Variants in ICA1L observed in about 807,000 individuals in gnomAD.
ICA1L encodes islet cell autoantigen 1 like, also known as islet cell autoantigen 1-like protein.
In ICA1L, 50 loss-of-function variants were observed where a neutral mutation model predicts 61.3. That is an observed-to-expected ratio of 0.82 (90% CI 0.65 to 1.03). The LOEUF (loss-of-function observed/expected upper bound fraction) is 1.03. ICA1L is among the 50% of genes least tolerant of loss of function. The pLI is 0.00. For missense variants in ICA1L, 508 were observed against 556.7 expected (o/e 0.91, Z 0.88); for synonymous variants, 161 against 191.3 (o/e 0.84, Z 1.31).
At position 202,802,125 on chromosome 2, in the gene ICA1L, A is replaced by C. The variant is rs1305744495; in HGVS notation, c.911-5161T>G. 3.3e-5 allele frequency among the ~76,000 whole-genome samples: 5 copies of C among 152,226 alleles called. No homozygotes were observed. The East Asian group carries it at 9.6e-4, about 29-fold the overall frequency. ...AGGGACTATAAAAATTAGGCAAATT[A>C]ATAAAACAACAAATAGAACTTTTAT... On this transcript the variant is annotated intron_variant, in intron 9 of 12. Transcript: ENST00000358299.
At chr2:202,863,643 T>C (rs895342427) in intron 1 of ICA1L, among the ~76,000 whole-genome samples, 4 of 151,858 alleles carry the variant, frequency 2.6e-5, no homozygotes, top group African/African-American at 9.7e-5. Context: ...GCTAACATGG[T>C]GAAACCCCGT....
chr2:202,858,453 A>T (rs975650468), intron 1 of ICA1L, among the ~76,000 whole-genome samples: 2 of 152,204 alleles, frequency 1.3e-5, no homozygotes, highest in African/African-American at 4.8e-5. Context: ...GGGGAACATC[A>T]CACACTGGGG....
intron 2 of ICA1L, 123 bp downstream of exon 2, chr2:202,828,725 A>G (rs909907857): frequency 2.5e-6 from 2 of 795,126 alleles, no homozygotes; most frequent in African/African-American, 3.5e-5. Flanking sequence ...ATACAACTAA[A>G]CATTCTATTA....
At chr2:202,868,989 AC>A (rs1221050746) in intron 1 of ICA1L, among the ~76,000 whole-genome samples, 3 of 151,974 alleles carry the variant, frequency 2.0e-5, no homozygotes, top group Non-Finnish European at 4.4e-5. Flanking sequence ...AACAACAACA[AC>A]AACAACAAAA....
chr2:202,824,596 C>T (rs1693784178), intron 3 of ICA1L, among the ~76,000 whole-genome samples: 1 of 151,988 alleles, frequency 6.6e-6, no homozygotes, highest in Non-Finnish European at 1.5e-5. Flanking sequence ...TCAGGGAAGG[C>T]CTCATTTAAA....
intron 1 of ICA1L, among the ~76,000 whole-genome samples, chr2:202,859,000 T>G (rs976544816): frequency 6.6e-6 from 1 of 152,234 alleles, no homozygotes; most frequent in African/African-American, 2.4e-5. Context: ...CTTTAAAGGC[T>G]CTGCCTAATC....
At chr2:202,794,345 C>CAAAAAA (rs202022262) in intron 10 of ICA1L, among the ~76,000 whole-genome samples, 1 of 90,946 alleles carries the variant, frequency 1.1e-5, no homozygotes, top group Non-Finnish European at 2.1e-5. Context: ...GACTCCATCT[C>CAAAAAA]AAAAAAAAAA....
intron 1 of ICA1L, among the ~76,000 whole-genome samples, chr2:202,867,258 C>T (rs1489922384): frequency 6.6e-6 from 1 of 152,134 alleles, no homozygotes; most frequent in African/African-American, 2.4e-5. Context: ...TATTCATATA[C>T]AGTCATGCAT....
intron 12 of ICA1L, among the ~76,000 whole-genome samples, chr2:202,781,434 CGT>C (rs373467225): frequency 8.2e-4 from 124 of 151,704 alleles, no homozygotes; most frequent in African/African-American, 2.9e-3. Context: ...ATTAGCAGGG[CGT>C]GGTGGCGCAC....
At position 202,789,039 on chromosome 2, in the gene ICA1L, T is replaced by C. The variant is rs750925556; in HGVS notation, c.1034A>G (p.Lys345Arg). 5.6e-6 allele frequency: 9 copies of C among 1,613,094 alleles called. No homozygotes were observed. The highest frequency in any genetic ancestry group is 7.6e-6 in the Non-Finnish European group (9 of 1,179,374). ...GAGGTTGTTCAGAAATGAGAATTCC[T>C]TCTCAAAATCTTCTCCTTCCAATGA... ...VDSLEGEDFE[K>R]EFSFLNNLLS... The change falls in exon 11 of 13, where the codon AAG becomes AGG. Residue 345 changes from lysine to arginine, a missense_variant. Coordinates refer to ENST00000358299, the MANE Select transcript of ICA1L (RefSeq NM_001288622.3).
At chr2:202,856,157 C>T (rs1335529175) in intron 1 of ICA1L, among the ~76,000 whole-genome samples, 3 of 150,864 alleles carry the variant, frequency 2.0e-5, no homozygotes, top group African/African-American at 7.3e-5. Context: ...AATCCTGATA[C>T]CAAAACCTGG....
At chr2:202,867,313 A>AT (rs2105894367) in intron 1 of ICA1L, among the ~76,000 whole-genome samples, 1 of 152,262 alleles carries the variant, frequency 6.6e-6, no homozygotes, top group Admixed American at 6.5e-5. Context: ...CCATTAGATG[A>AT]TTTTATCATT....
intron 9 of ICA1L, among the ~76,000 whole-genome samples, chr2:202,797,638 C>T (rs1426057384): frequency 6.6e-6 from 1 of 151,614 alleles, no homozygotes; most frequent in African/African-American, 2.4e-5. Flanking sequence ...TCTCCTGCCT[C>T]AGCCTCCCAA....
At chr2:202,791,692 C>A (rs1692755087) in intron 10 of ICA1L, among the ~76,000 whole-genome samples, 1 of 151,244 alleles carries the variant, frequency 6.6e-6, no homozygotes, top group Non-Finnish European at 1.5e-5. Flanking sequence ...ACTAAAAATA[C>A]AAAATTAGCC....
intron 1 of ICA1L, among the ~76,000 whole-genome samples, chr2:202,865,765 T>A (rs1687493801): frequency 6.6e-6 from 1 of 152,190 alleles, no homozygotes; most frequent in Non-Finnish European, 1.5e-5. Context: ...CATTTCTATA[T>A]ATTAGTAGCA....
At chr2:202,806,099 C>T (rs537170564) in intron 9 of ICA1L, among the ~76,000 whole-genome samples, 31 of 152,082 alleles carry the variant, frequency 2.0e-4, no homozygotes, top group Non-Finnish European at 4.0e-4. Flanking sequence ...GAGGCTGAGC[C>T]GAAAGCTCCA....
chr2:202,853,158 A>G (rs953722781), intron 1 of ICA1L, among the ~76,000 whole-genome samples: 1 of 152,046 alleles, frequency 6.6e-6, no homozygotes, highest in African/African-American at 2.4e-5. Context: ...GGAGATCGAG[A>G]CCATCCTGGC....
At chr2:202,840,736 G>T in intron 1 of ICA1L, 1 of 598,524 alleles carries the variant, frequency 1.7e-6, no homozygotes. Context: ...GCTTGGCATT[G>T]GCATCCTTAA....
intron 1 of ICA1L, among the ~76,000 whole-genome samples, chr2:202,858,517 G>T (rs1273361495): frequency 6.6e-6 from 1 of 152,200 alleles, no homozygotes; most frequent in African/African-American, 2.4e-5. Flanking sequence ...AATATCTAAT[G>T]CATGCAGGGC....
Sources: allele counts gnomAD v4.1 joint callset (sites outside exome capture counted in the v4.1 genomes callset), GRCh38; gene constraint gnomAD v4.1.1; transcripts MANE v1.5; gene names NCBI Gene and HGNC (gene_info 2026-07-23, HGNC 2026-07-21).